HECW2: variants seen among roughly 807,000 people sequenced by gnomAD.
The protein encoded by HECW2 is E3 ubiquitin-protein ligase HECW2.
HECW2 carries 61 observed loss-of-function variants against 175.2 expected under a neutral mutation model. The ratio of observed to expected loss-of-function variants is 0.35; its 90% CI spans 0.28 to 0.43. The LOEUF (loss-of-function observed/expected upper bound fraction) is 0.43, where lower values mean the gene tolerates loss of function less well. Ranked by LOEUF, HECW2 falls within the 20% of genes least tolerant of loss-of-function variation. HECW2 has a pLI of 1.00. For missense variants in HECW2, 1,524 were observed against 2,000.5 expected, an observed-to-expected ratio of 0.76 and a Z score of 4.54; for synonymous variants, 671 against 731.0, an observed-to-expected ratio of 0.92 and a Z score of 1.32.
chr2:196,387,059 G>C (rs1694371196), intron 2 of HECW2, among the ~76,000 whole-genome samples: 1 of 152,070 alleles, frequency 6.6e-6, no homozygotes, highest in African/African-American at 2.4e-5. Context: ...TATTAGAAAA[G>C]TATTTTGTTT....
intron 2 of HECW2, among the ~76,000 whole-genome samples, chr2:196,426,199 G>T (rs1288877576): frequency 6.6e-6 from 1 of 152,100 alleles, no homozygotes; most frequent in Non-Finnish European, 1.5e-5. Flanking sequence ...TTAGATTACA[G>T]TATAGTGTAC....
chr2:196,270,500 A>G (rs1689688221), intron 17 of HECW2, among the ~76,000 whole-genome samples: 1 of 152,232 alleles, frequency 6.6e-6, no homozygotes, highest in South Asian at 2.1e-4. Flanking sequence ...TTATGGAAAA[A>G]TGTGAATACC....
intron 17 of HECW2, among the ~76,000 whole-genome samples, chr2:196,268,277 G>A (rs913971889): frequency 6.6e-6 from 1 of 152,178 alleles, no homozygotes; most frequent in Admixed American, 6.5e-5. Flanking sequence ...GACAGCATCT[G>A]CTTCCCATGG....
At chr2:196,441,631 C>A (rs749649460) in intron 1 of HECW2, among the ~76,000 whole-genome samples, 145 of 152,270 alleles carry the variant, frequency 9.5e-4, no homozygotes, top group Non-Finnish European at 1.9e-3. Flanking sequence ...AAAGCTCCCC[C>A]TCCAGTGGAT....
At chr2:196,371,655 G>A (rs1548321) in intron 2 of HECW2, among the ~76,000 whole-genome samples, 152,255 of 152,340 alleles carry the variant, frequency 1, 76,085 homozygotes, top group Non-Finnish European at 1. Context: ...TATAGATCTT[G>A]TATTTTATTC....
chr2:196,338,299 A>C (rs1692625359), intron 3 of HECW2, among the ~76,000 whole-genome samples: 1 of 152,218 alleles, frequency 6.6e-6, no homozygotes, highest in African/African-American at 2.4e-5. Context: ...CTGGGTTTGT[A>C]TATGAATAAA....
In HECW2 at chr2:196,319,272, A is replaced by G. The variant is rs761592024; in HGVS notation, c.1618T>C (p.Ser540Pro). The change falls in exon 9 of 29, where the codon TCC (serine) becomes CCC (proline). Residue 540 changes from serine to proline, a missense_variant. By Grantham distance (74) the Ser-to-Pro change is moderately conservative. Around this residue, in one of 11 missense-constraint regions of HECW2, gnomAD observed 604 missense variants for 588.3 expected, o/e 1.03. Coordinates refer to ENST00000644978, the MANE Select transcript of HECW2 (RefSeq NM_001348768.2). ...PENLPELAES[S>P]LPAGPAPEEG... ...TCTGGGGCTGGGCCTGCAGGTAAGG[A>G]GCTCTCTGCAAGCTCTGGAAGATTT... 6.2e-6 allele frequency: 10 copies of G among 1,607,994 alleles called. No individual in the cohort carries two copies. The highest frequency in any genetic ancestry group is 1.7e-5 in the Admixed American group (1 of 59,436).
intron 2 of HECW2, among the ~76,000 whole-genome samples, chr2:196,358,304 T>C (rs1468429730): frequency 6.6e-6 from 1 of 152,060 alleles, no homozygotes; most frequent in Non-Finnish European, 1.5e-5. Flanking sequence ...CCGGGCACGG[T>C]GGCTCATACC....
chr2:196,345,226 G>A (rs932795200), intron 2 of HECW2, among the ~76,000 whole-genome samples: 3 of 152,110 alleles, frequency 2.0e-5, no homozygotes, highest in Admixed American at 6.5e-5. Flanking sequence ...GATGGTACTC[G>A]GGCAATCACT....
At chr2:196,350,760 T>C (rs1380037988) in intron 2 of HECW2, among the ~76,000 whole-genome samples, 3 of 152,226 alleles carry the variant, frequency 2.0e-5, no homozygotes, top group African/African-American at 7.2e-5. Context: ...GGCACATAGA[T>C]ATATAATGCA....
intron 2 of HECW2, among the ~76,000 whole-genome samples, chr2:196,356,560 T>A (rs923664737): frequency 6.6e-6 from 1 of 152,178 alleles, no homozygotes; most frequent in African/African-American, 2.4e-5. Flanking sequence ...AGCCACTTAG[T>A]AGCCATCTCA....
intron 1 of HECW2, among the ~76,000 whole-genome samples, chr2:196,517,630 T>C (rs1270410621): frequency 1.3e-5 from 2 of 152,222 alleles, no homozygotes; most frequent in East Asian, 1.9e-4. Context: ...ACTGTAAAGA[T>C]TGTTACAGTT....
At chr2:196,306,689 A>G (rs1691278646) in intron 12 of HECW2, 77 bp from the exon 13 acceptor site, 1 of 1,391,202 alleles carries the variant, frequency 7.2e-7, no homozygotes, top group Non-Finnish European at 9.6e-7. Context: ...TTCAGTCTGC[A>G]TTTCAAAAGA....
chr2:196,350,079 C>T (rs1459360752), intron 2 of HECW2, among the ~76,000 whole-genome samples: 1 of 152,100 alleles, frequency 6.6e-6, no homozygotes, highest in East Asian at 1.9e-4. Flanking sequence ...CTTTAAAATG[C>T]TACTTCCTGC....
At position 196,292,653 on chromosome 2, in the gene HECW2, C is replaced by T. The variant is rs1283621029; in HGVS notation, c.2912G>A (p.Arg971His). 5 of 1,614,016 alleles carry T rather than the reference C, an allele frequency of 3.1e-6. No individual in the cohort carries two copies. The highest frequency in any genetic ancestry group is 2.7e-5 in the African/African-American group (2 of 74,910). Residue 971 changes from arginine to histidine, a missense_variant, in exon 14 of 29, where the codon CGC becomes CAC. This residue lies in a region of HECW2 where 291 missense variants were observed against 412.2 expected (regional missense o/e 0.71). Transcript: ENST00000644978. ...THHFERYQHN[R>H]DLVGFLNMFA... The stretch of plus-strand genomic sequence containing the variant: ...CATGTTGAGGAATCCCACAAGGTCG[C>T]GGTTATGCTGGTAGCGTTCAAAGTG...
intron 1 of HECW2, among the ~76,000 whole-genome samples, chr2:196,468,428 T>C (rs552434324): frequency 6.6e-6 from 1 of 152,336 alleles, no homozygotes; most frequent in Non-Finnish European, 1.5e-5. Context: ...CAGTTACTTT[T>C]TAAAGATTAG....
At chr2:196,486,632 G>A (rs1487701220) in intron 1 of HECW2, among the ~76,000 whole-genome samples, 6 of 152,154 alleles carry the variant, frequency 3.9e-5, no homozygotes, top group Non-Finnish European at 5.9e-5. Context: ...AAGACACAGG[G>A]AATGAAGCTC....
At chr2:196,442,610 T>C (rs1696072695) in intron 1 of HECW2, among the ~76,000 whole-genome samples, 1 of 152,246 alleles carries the variant, frequency 6.6e-6, no homozygotes, top group South Asian at 2.1e-4. Flanking sequence ...TAGACTATTA[T>C]GAAGCCATTA....
At chr2:196,252,178 A>AAATAATAATAATAATAATAATAAT (rs10666310) in intron 19 of HECW2, among the ~76,000 whole-genome samples, 13 of 133,250 alleles carry the variant, frequency 9.8e-5, no homozygotes, top group East Asian at 2.3e-4. Flanking sequence ...CTCCGATTCA[A>AAATAATAATAATAATAATAATAAT]AATAATAATA....
Sources: allele counts gnomAD v4.1 joint callset (sites outside exome capture counted in the v4.1 genomes callset), GRCh38; gene constraint gnomAD v4.1.1; regional missense constraint gnomAD v4.1.1; transcripts MANE v1.5; gene names NCBI Gene and HGNC (gene_info 2026-07-23, HGNC 2026-07-21).